The following GNPTAB variants were observed in gnomAD, a reference collection of about 807,000 sequenced individuals.
The protein encoded by GNPTAB is N-acetylglucosamine-1-phosphotransferase subunits alpha/beta.
GNPTAB carries 92 observed loss-of-function variants against 136.6 expected under a neutral mutation model. The ratio of observed to expected loss-of-function variants is 0.67; its 90% confidence interval spans 0.57 to 0.80. The LOEUF is 0.80. Among genes scored for constraint, GNPTAB ranks in the 30% least tolerant of loss-of-function variants. The pLI is 0.00. For missense variants in GNPTAB, 1,343 were observed against 1,501.8 expected, an observed-to-expected ratio of 0.89 and a Z score of 1.75; for synonymous variants, 512 against 535.1, an observed-to-expected ratio of 0.96 and a Z score of 0.60.
intron 18 of GNPTAB, among the ~76,000 whole-genome samples, chr12:101,755,536 A>G (rs556231867): frequency 1.5e-4 from 23 of 152,340 alleles, no homozygotes; most frequent in African/African-American, 5.3e-4. Context: ...TATTTAACCA[A>G]TGTTAAAGTT....
chr12:101,807,882 CA>C (rs1870014467), intron 1 of GNPTAB, among the ~76,000 whole-genome samples: 1 of 151,994 alleles, frequency 6.6e-6, no homozygotes, highest in Non-Finnish European at 1.5e-5. Flanking sequence ...AAGACTCTCT[CA>C]AAAAACAAAC....
At chr12:101,748,685 G>A (rs1363768968) in intron 20 of GNPTAB, among the ~76,000 whole-genome samples, 2 of 152,070 alleles carry the variant, frequency 1.3e-5, no homozygotes, top group Non-Finnish European at 2.9e-5. Flanking sequence ...GGTGTGAGTG[G>A]GACAACACAA....
chr12:101,809,637 G>A lies in GNPTAB; in HGVS notation c.118-12875C>T, dbSNP rs60675929. Among the ~76,000 whole-genome samples the A allele has an allele frequency of 3.7e-3, 568 of 152,256 alleles. 5 individuals are homozygous for A. The highest frequency in any genetic ancestry group is 0.013 in the African/African-American group (522 of 41,550). On this transcript the variant is annotated intron_variant, in intron 1 of 20. Coordinates refer to ENST00000299314, the MANE Select transcript of GNPTAB (RefSeq NM_024312.5). ...GAAACTTAAATGAATATTACTAAAGGAAAGAAGCAAACTGAAAAGGTTACA... is the reference window on the plus strand; with the variant it reads ...GAAACTTAAATGAATATTACTAAAGAAAAGAAGCAAACTGAAAAGGTTACA...
intron 1 of GNPTAB, among the ~76,000 whole-genome samples, chr12:101,818,590 T>G (rs1377592989): frequency 1.3e-5 from 2 of 152,168 alleles, no homozygotes; most frequent in African/African-American, 4.8e-5. Context: ...GTTGCCAGGC[T>G]GGTCTCAAAC....
chr12:101,786,275 G>A, intron 4 of GNPTAB, 58 bp from the exon 5 acceptor site: 1 of 1,376,758 alleles, frequency 7.3e-7, no homozygotes, highest in East Asian at 2.4e-5. Flanking sequence ...TCAGCAATGA[G>A]AAGCTTGTCA....
chr12:101,784,168 G>A (rs1330922021), intron 5 of GNPTAB, among the ~76,000 whole-genome samples: 1 of 152,234 alleles, frequency 6.6e-6, no homozygotes, highest in Non-Finnish European at 1.5e-5. Flanking sequence ...CTAAAGTCAT[G>A]AGTTAGATTA....
chr12:101,789,217 T>C (rs1035950113), intron 3 of GNPTAB, among the ~76,000 whole-genome samples: 1 of 152,170 alleles, frequency 6.6e-6, no homozygotes, highest in African/African-American at 2.4e-5. Context: ...GAGGGGGTCC[T>C]CTGTCTTTAG....
chr12:101,808,899 G>A (rs1345402673), intron 1 of GNPTAB, among the ~76,000 whole-genome samples: 1 of 152,202 alleles, frequency 6.6e-6, no homozygotes, highest in African/African-American at 2.4e-5. Flanking sequence ...GGTAAGCCAA[G>A]ATTGCATCAT....
chr12:101,819,090 C>A (rs1036900944), intron 1 of GNPTAB, among the ~76,000 whole-genome samples: 1 of 151,990 alleles, frequency 6.6e-6, no homozygotes, highest in Non-Finnish European at 1.5e-5. Context: ...TGGCTTACTG[C>A]AACCTCCACC....
intron 5 of GNPTAB, among the ~76,000 whole-genome samples, chr12:101,781,315 G>C (rs898656921): frequency 6.6e-6 from 1 of 152,120 alleles, no homozygotes; most frequent in Non-Finnish European, 1.5e-5. Context: ...AAAGAAGGCA[G>C]GTTCTCCAAA....
chr12:101,824,194 CTAA>C (rs1027020604), intron 1 of GNPTAB, among the ~76,000 whole-genome samples: 1 of 151,818 alleles, frequency 6.6e-6, no homozygotes, highest in Non-Finnish European at 1.5e-5. Flanking sequence ...CTAGTTGGCA[CTAA>C]TGAGAAAGAA....
intron 7 of GNPTAB, among the ~76,000 whole-genome samples, chr12:101,778,103 T>C (rs1466123009): frequency 4.6e-5 from 7 of 152,188 alleles, no homozygotes; most frequent in African/African-American, 1.7e-4. Flanking sequence ...GACCTGCTTA[T>C]ACCACACATG....
intron 7 of GNPTAB, chr12:101,773,709 GAA>G (rs1239185652): frequency 3.9e-5 from 6 of 152,012 alleles, no homozygotes; most frequent in African/African-American, 1.5e-4. Flanking sequence ...ATATGTATGA[GAA>G]AGATTTTCTG....
chr12:101,772,945 T>A (rs1175182886), intron 7 of GNPTAB, among the ~76,000 whole-genome samples: 1 of 152,090 alleles, frequency 6.6e-6, no homozygotes, highest in Non-Finnish European at 1.5e-5. Flanking sequence ...GACTCCCGAG[T>A]AGCTGGGATT....
At chr12:101,803,151 A>G (rs986421339) in intron 1 of GNPTAB, among the ~76,000 whole-genome samples, 1 of 152,216 alleles carries the variant, frequency 6.6e-6, no homozygotes, top group African/African-American at 2.4e-5. Context: ...AAGCTGCCTC[A>G]GAATCAAGGT....
At chr12:101,801,273 T>C (rs1352193070) in intron 1 of GNPTAB, among the ~76,000 whole-genome samples, 1 of 137,922 alleles carries the variant, frequency 7.3e-6, no homozygotes, top group Admixed American at 7.3e-5. Flanking sequence ...CAGGCATAGT[T>C]GCTCATACCT....
intron 3 of GNPTAB, 109 bp downstream of exon 3, chr12:101,789,829 C>G: frequency 9.1e-7 from 1 of 1,101,498 alleles, no homozygotes; most frequent in Non-Finnish European, 1.4e-6. Flanking sequence ...TTTTGTAGTT[C>G]ATTAGCATGA....
At chr12:101,805,998 T>TA (rs200724288) in intron 1 of GNPTAB, among the ~76,000 whole-genome samples, 1 of 152,156 alleles carries the variant, frequency 6.6e-6, no homozygotes, top group East Asian at 1.9e-4. Context: ...ATAAAGCTAT[T>TA]AAAAAATCAC....
chr12:101,785,522 A>C (rs75445315), intron 5 of GNPTAB: 1,646 of 155,346 alleles, frequency 0.011, 40 homozygotes, highest in African/African-American at 0.037. Flanking sequence ...CCAGCCTGGG[A>C]TCTCTTTTAT....
Sources: gnomAD v4.1 joint callset for allele counts (sites outside exome capture counted in the v4.1 genomes callset) on GRCh38, gnomAD v4.1.1 for gene constraint, MANE v1.5 for transcripts, NCBI Gene and HGNC (gene_info 2026-07-23, HGNC 2026-07-21) for gene names.